The following SREBF1 variants were observed in gnomAD, a reference collection of about 807,000 sequenced individuals.
SREBF1 encodes sterol regulatory element binding transcription factor 1, also known as sterol regulatory element-binding protein 1.
A neutral mutation model predicts 100.1 loss-of-function variants in SREBF1; 45 were observed. The ratio of observed to expected loss-of-function variants is 0.45; its 90% CI spans 0.35 to 0.58. The LOEUF (loss-of-function observed/expected upper bound fraction) is 0.58, where lower values mean the gene tolerates loss of function less well. Ranked by LOEUF, SREBF1 falls within the 20% of genes least tolerant of loss-of-function variation. The pLI is 0.00. For synonymous variants in SREBF1, 657 were observed against 681.8 expected, an observed-to-expected ratio of 0.96 and a Z score of 0.57; for missense variants, 1,324 against 1,539.4, an observed-to-expected ratio of 0.86 and a Z score of 2.34.
intron 1 of SREBF1, among the ~76,000 whole-genome samples, chr17:17,836,436 C>T (rs896196232): frequency 6.6e-6 from 1 of 152,218 alleles, no homozygotes; most frequent in African/African-American, 2.4e-5. Flanking sequence ...ACCGGTCGGG[C>T]GGCACCCGGC....
In SREBF1 at chr17:17,815,639, A is replaced by G. The variant is rs761779372; in HGVS notation, c.2383+221T>C. On this transcript the variant is annotated intron_variant, in intron 12 of 18. Transcript: ENST00000261646. ...CGGCACTGCCTGGGGTCACTTCTCC[A>G]ATTAGCCATCTGCCCATCAATCCCT... 2.6e-4 allele frequency: 157 copies of G among 609,002 alleles called. 1 individual carries two copies. The highest frequency in any genetic ancestry group is 1.9e-3 in the Middle Eastern group (5 of 2,688). 37.7% of individuals were successfully genotyped at this position (609,002 alleles called of 1,614,324 possible). A position where few individuals can be genotyped will look rare whatever the true frequency, so the allele number is the denominator to read the frequency against.
Position 17,823,686 on chromosome 17 carries a change from C to A in SREBF1, c.92-3165G>T, listed in dbSNP as rs1187505849. 3 of 995,834 alleles carry A rather than the reference C, an allele frequency of 3.0e-6. No individual in the cohort carries two copies. In the African/African-American group the frequency reaches 5.4e-5, roughly 18 times the overall value. 61.7% of individuals were successfully genotyped at this position (995,834 alleles called of 1,614,324 possible). On this transcript the variant is annotated intron_variant, in intron 1 of 18. Coordinates refer to ENST00000261646, the MANE Select transcript of SREBF1 (RefSeq NM_004176.5). Reference sequence around the variant, plus strand: ...CCGCCCCGCCCCGCCCCCAGCCCCGCCCCAGCCCCGCCCCGCCTGCAGGTC... The same window carrying A: ...CCGCCCCGCCCCGCCCCCAGCCCCGACCCAGCCCCGCCCCGCCTGCAGGTC...
Position 17,814,231 on chromosome 17 carries a change from A to G in SREBF1, c.2901+14T>C. On this transcript the variant is annotated intron_variant, in intron 16 of 18. Transcript: ENST00000261646. The stretch of plus-strand genomic sequence containing the variant: ...ATCCCCCAGCCCTGCCAGGCCCCTG[A>G]CCCCACCCCTCACCTTGTCAATGGA... 1 of 1,599,990 alleles carries G rather than the reference A, an allele frequency of 6.3e-7. No individual in the cohort carries two copies. Among genetic ancestry groups the G allele is most frequent in the Non-Finnish European group, 8.5e-7 (1 of 1,174,482 alleles).
rs751617325 is a variant in SREBF1, at chr17:17,819,607, C to T, written c.642G>A (p.Leu214=). The T allele has an allele frequency of 6.2e-7, 1 of 1,613,678 alleles. No individual in the cohort carries two copies. The highest frequency in any genetic ancestry group is 8.5e-7 in the Non-Finnish European group (1 of 1,179,876). The part of the protein sequence containing the change: ...QVQSVVPQQL[L]TVTAAPTAAP... ...CTGCCGTGGGGGCAGCTGTGACTGT[C>T]AGTAGCTGCTGGGGGACCACACTCT... Residue 214 remains leucine (L), a synonymous_variant, in exon 3 of 19, where the codon CTG becomes CTA. Transcript: ENST00000261646.
intron 12 of SREBF1, 108 bp from the exon 13 acceptor site, chr17:17,815,437 A>C: frequency 1.1e-6 from 1 of 878,878 alleles, no homozygotes; most frequent in Admixed American, 2.0e-5. Flanking sequence ...GCCACTGGGA[A>C]GTGCCGGCAT....
Position 17,811,985 on chromosome 17 carries a change from G to A in SREBF1, c.*637C>T. The A allele has an allele frequency of 2.2e-6, 1 of 445,500 alleles. No individual in the cohort carries two copies. Among genetic ancestry groups the A allele is most frequent in the Non-Finnish European group, 4.5e-6 (1 of 223,734 alleles). The allele number at this position is 445,500 out of a possible 1,614,324, so 27.6% of individuals were successfully genotyped here. A position where few individuals can be genotyped will look rare whatever the true frequency, so the allele number is the denominator to read the frequency against. On this transcript the variant is annotated 3_prime_UTR_variant, in exon 19 of 19. Coordinates refer to ENST00000261646, the MANE Select transcript of SREBF1 (RefSeq NM_004176.5). ...AAAAGTTGTGTACCTTGTGGCCGGA[G>A]GGGGAGGGGAAGCCTTTCCCTAGGT...
Position 17,814,873 on chromosome 17 carries a change from T to C in SREBF1, c.2564A>G (p.Tyr855Cys), listed in dbSNP as rs2033379205. ...CATGCTGGAACTGATGGAGAAGCTG[T>C]AGGCAGGAGCCCCCGCAGCATCAGA... is the stretch of plus-strand genomic sequence containing the variant. Reference protein sequence around the residue: ...SCSDAAGAPAYSFSISSSMAT... With the variant: ...SCSDAAGAPACSFSISSSMAT... The change falls in exon 14 of 19, where the codon TAC becomes TGC. Residue 855 changes from tyrosine to cysteine, a missense_variant. Transcript: ENST00000261646. The C allele has an allele frequency of 6.3e-7, 1 of 1,590,382 alleles. No homozygotes were observed. The highest frequency in any genetic ancestry group is 8.6e-7 in the Non-Finnish European group (1 of 1,169,242).
rs2143009095 is a variant in SREBF1, at chr17:17,812,836, A to C, written c.3230T>G (p.Leu1077Arg). The C allele has an allele frequency of 6.8e-7, 1 of 1,473,002 alleles. No individual in the cohort carries two copies. Among genetic ancestry groups the C allele is most frequent in the South Asian group, 1.3e-5 (1 of 75,156 alleles). 91.2% of individuals were successfully genotyped at this position (1,473,002 alleles called of 1,614,324 possible). ...PGGKGGAVAE[L>R]EPRPTRREHA... is the part of the protein sequence containing the mutation. ...CTCCCGCCGCGTGGGCCGCGGCTCC[A>C]GCTCCGCCACCGCGCCTGCGCACAC... The change falls in exon 19 of 19, where the codon CTG (leucine) becomes CGG (arginine). Residue 1077 changes from leucine (L) to arginine (R), a missense_variant. Coordinates refer to ENST00000261646, the MANE Select transcript of SREBF1 (RefSeq NM_004176.5).
chr17:17,813,622 C>G lies in SREBF1; in HGVS notation c.3049G>C (p.Asp1017His). The G allele has an allele frequency of 6.3e-7, 1 of 1,585,784 alleles. No individual in the cohort carries two copies. Among genetic ancestry groups the G allele is most frequent in the Non-Finnish European group, 8.5e-7 (1 of 1,172,202 alleles). ...SALELRGFQRDLSSLRRLAQS... is the reference protein window; with the variant it reads ...SALELRGFQRHLSSLRRLAQS... ...GCCAGCCGCCTCAGGCTGCTCAGGTCCCGTTGGAAGCCACGCAGCTCAAGG... is the reference window on the plus strand; with the variant it reads ...GCCAGCCGCCTCAGGCTGCTCAGGTGCCGTTGGAAGCCACGCAGCTCAAGG... The change falls in exon 17 of 19, where the codon GAC becomes CAC. Residue 1017 changes from aspartate to histidine, a missense_variant. Transcript: ENST00000261646.
Position 17,812,152 on chromosome 17 carries a change from T to C in SREBF1, c.*470A>G. The C allele has an allele frequency of 4.6e-6, 2 of 430,720 alleles. No homozygotes were observed. Among genetic ancestry groups the C allele is most frequent in the East Asian group, 7.4e-5 (1 of 13,574 alleles). The allele number at this position is 430,720 out of a possible 1,614,324, so 26.7% of individuals were successfully genotyped here. ...AAAATAAAGTTTGCAAAAGGCAAAG[T>C]AGCACAGGAGCCTCAGGTCAGGAGG... On this transcript the variant is annotated 3_prime_UTR_variant, in exon 19 of 19. Transcript: ENST00000261646.
At chr17:17,813,815 G>A in intron 16 of SREBF1, 46 bp from the exon 17 acceptor site, 2 of 1,524,304 alleles carry the variant, frequency 1.3e-6, no homozygotes, top group Non-Finnish European at 1.8e-6. Flanking sequence ...TCCAGCTCTG[G>A]GAGGGGCAGG....
intron 1 of SREBF1, among the ~76,000 whole-genome samples, chr17:17,831,460 C>T (rs1176857280): frequency 6.6e-6 from 1 of 152,144 alleles, no homozygotes; most frequent in Non-Finnish European, 1.5e-5. Flanking sequence ...GAAGCAGCCT[C>T]TGACGGGGCT....
rs2034366541 is a variant in SREBF1, at chr17:17,824,643, A to G, written c.92-4122T>C. On this transcript the variant is annotated intron_variant, in intron 1 of 18. Coordinates refer to ENST00000261646, the MANE Select transcript of SREBF1 (RefSeq NM_004176.5). The surrounding 1 kb of genome is among the most constrained non-coding windows in gnomAD (Gnocchi z 4.2). The stretch of plus-strand genomic sequence containing the variant: ...AGCCTGGCCAGTTGATTTTGCAGCC[A>G]AGTAGACCACCAGCAAAGCCTGCCT... Among the ~76,000 whole-genome samples the G allele has an allele frequency of 6.6e-6, 1 of 152,172 alleles. No homozygotes were observed. The highest frequency in any genetic ancestry group is 1.5e-5 in the Non-Finnish European group (1 of 68,008).
Position 17,820,425 on chromosome 17 carries a change from C to T in SREBF1, c.188G>A (p.Ser63Asn), listed in dbSNP as rs2034016641. 1 of 1,613,474 alleles carries T rather than the reference C, an allele frequency of 6.2e-7. No homozygotes were observed. Among genetic ancestry groups the T allele is most frequent in the Middle Eastern group, 1.7e-4 (1 of 6,056 alleles). Residue 63 changes from serine to asparagine, a missense_variant, in exon 2 of 19, where the codon AGC (serine) becomes AAC (asparagine). Coordinates refer to ENST00000261646, the MANE Select transcript of SREBF1 (RefSeq NM_004176.5). ...GSGAGGTDPA[S>N]PDTSSPGSLS... is the part of the protein sequence containing the mutation. Reference sequence around the variant, plus strand: ...GCTGCCTGGGGAGCTGGTATCGGGGCTGGCAGGGTCTGTGCCCCCTGCCCC... The same window carrying T: ...GCTGCCTGGGGAGCTGGTATCGGGGTTGGCAGGGTCTGTGCCCCCTGCCCC...
intron 1 of SREBF1, among the ~76,000 whole-genome samples, chr17:17,834,622 C>G (rs2035113545): frequency 6.6e-6 from 1 of 152,254 alleles, no homozygotes; most frequent in Non-Finnish European, 1.5e-5. Context: ...ACATGGCTGC[C>G]CATGCCTGGC....
chr17:17,823,970 TA>T (rs893874754), intron 1 of SREBF1, among the ~76,000 whole-genome samples: 2 of 151,948 alleles, frequency 1.3e-5, no homozygotes, highest in African/African-American at 4.8e-5. Flanking sequence ...CCCCCTTCGT[TA>T]AAGGGTCAAA....
At chr17:17,815,008 C>G (rs987467889) in intron 13 of SREBF1, 64 bp from the exon 14 acceptor site, 1 of 1,460,880 alleles carries the variant, frequency 6.8e-7, no homozygotes, top group African/African-American at 1.4e-5. Context: ...TGCTCCCCAC[C>G]TGCCCTCCAG....
chr17:17,826,925 C>T (rs1003249382), intron 1 of SREBF1, among the ~76,000 whole-genome samples: 1 of 152,244 alleles, frequency 6.6e-6, no homozygotes, highest in African/African-American at 2.4e-5. Flanking sequence ...GAGCTCTTCA[C>T]CTGCCCCCAC....
chr17:17,813,965 G>A (rs1231580282), intron 16 of SREBF1, 196 bp from the exon 17 acceptor site: 1 of 693,284 alleles, frequency 1.4e-6, no homozygotes, highest in East Asian at 2.7e-5. Flanking sequence ...ACCGGCCCGG[G>A]AGCAGCTGTC....
Sources: allele counts gnomAD v4.1 joint callset (sites outside exome capture counted in the v4.1 genomes callset), GRCh38; gene constraint gnomAD v4.1.1; non-coding constraint Gnocchi (gnomAD v3.1); transcripts MANE v1.5; gene names NCBI Gene and HGNC (gene_info 2026-07-23, HGNC 2026-07-21).